The following ZC3H12B variants were observed in gnomAD, a reference collection of about 807,000 sequenced individuals.
The protein encoded by ZC3H12B is probable ribonuclease ZC3H12B.
Under a neutral mutation model 43.9 loss-of-function variants are expected in ZC3H12B, and 7 were observed. That is an observed-to-expected ratio of 0.16 (90% CI 0.09 to 0.30). The LOEUF is 0.30. Among genes scored for constraint, ZC3H12B ranks in the 10% least tolerant of loss-of-function variants. The pLI, the probability that ZC3H12B is intolerant of heterozygous loss-of-function variation, is 1.00. For synonymous variants in ZC3H12B, 222 were observed against 241.7 expected (o/e 0.92, Z 0.76); for missense variants, 475 against 670.2 (o/e 0.71, Z 3.22).
intron 2 of ZC3H12B, among the ~76,000 whole-genome samples, 168 bp from the exon 5 acceptor site, chrX:65,398,425 G>A (rs1260987922): frequency 9.0e-6 from 1 of 111,718 alleles, no homozygotes; most frequent in Non-Finnish European, 1.9e-5. Context: ...ATCTTGTTTC[G>A]AATTGTAATC....
intron 3 of ZC3H12B, among the ~76,000 whole-genome samples, chrX:65,420,003 C>T (rs2067000731): frequency 9.0e-6 from 1 of 111,643 alleles, no homozygotes; most frequent in Admixed American, 9.5e-5. Context: ...CAGGACTGCC[C>T]ATGTGGACCA....
At chrX:65,413,340 T>C (rs905317602) in intron 3 of ZC3H12B, among the ~76,000 whole-genome samples, 1 of 111,903 alleles carries the variant, frequency 8.9e-6, no homozygotes, top group African/African-American at 3.2e-5. Flanking sequence ...GCTTTTCTTT[T>C]GGTTTCATAT....
chrX:65,503,374 T>G (rs1238282068), exon 5 of ZC3H12B: 1 of 441,957 alleles, frequency 2.3e-6, no homozygotes, highest in Non-Finnish European at 3.6e-6. Context: ...ACTAACATCC[T>G]CTTTTATAGA....
chrX:65,367,425 A>G (rs1421067777), intron 1 of ZC3H12B, among the ~76,000 whole-genome samples: 2 of 111,743 alleles, frequency 1.8e-5, no homozygotes, highest in Non-Finnish European at 3.8e-5. Flanking sequence ...ACTCTTGAAC[A>G]TGTCGCACAT....
At chrX:65,359,383 A>G in the ZC3H12B span, among the ~76,000 whole-genome samples, 3 of 111,868 alleles carry the variant, frequency 2.7e-5, no homozygotes, top group Non-Finnish European at 5.6e-5. Flanking sequence ...CATCTGATGA[A>G]CCTGGGAAAA....
intron 3 of ZC3H12B, among the ~76,000 whole-genome samples, chrX:65,481,166 T>C (rs773003090): frequency 1.6e-4 from 18 of 111,428 alleles, no homozygotes; most frequent in Non-Finnish European, 5.7e-5. Flanking sequence ...CTGCCTAGTA[T>C]GTCCTCCCCA....
At chrX:65,107,582 G>A in the ZC3H12B span, among the ~76,000 whole-genome samples, 1 of 111,218 alleles carries the variant, frequency 9.0e-6, no homozygotes, top group Non-Finnish European at 1.9e-5. Context: ...ACCTTGAATT[G>A]TAGTTCCCAT....
the ZC3H12B span, among the ~76,000 whole-genome samples, chrX:65,093,101 G>A: frequency 3.6e-5 from 4 of 112,138 alleles, 1 homozygote; most frequent in South Asian, 1.5e-3. Context: ...TGCAGCTTGG[G>A]TCACTGCTCA....
the ZC3H12B span, among the ~76,000 whole-genome samples, chrX:65,269,109 G>A: frequency 1.8e-5 from 2 of 111,433 alleles, no homozygotes; most frequent in African/African-American, 3.3e-5. Flanking sequence ...CACTTTGGGA[G>A]GCTGAGGTGG....
intron 2 of ZC3H12B, among the ~76,000 whole-genome samples, chrX:65,386,563 G>A (rs985872920): frequency 5.7e-4 from 63 of 111,077 alleles, no homozygotes; most frequent in African/African-American, 1.9e-3. Flanking sequence ...CTTGCTAGCA[G>A]TCTATCAATT....
chrX:65,203,021 G>GC, the ZC3H12B span, among the ~76,000 whole-genome samples: 2 of 110,772 alleles, frequency 1.8e-5, no homozygotes, highest in African/African-American at 3.3e-5. Context: ...GGCCACCACT[G>GC]CCCCAGGACC....
At chrX:65,177,432 A>T in the ZC3H12B span, among the ~76,000 whole-genome samples, 118 of 112,264 alleles carry the variant, frequency 1.1e-3, no homozygotes, top group African/African-American at 3.7e-3. Context: ...GGCCAGGGCA[A>T]TCAGGCAAGT....
chrX:65,050,369 C>A, the ZC3H12B span, among the ~76,000 whole-genome samples: 4 of 110,533 alleles, frequency 3.6e-5, no homozygotes, highest in Non-Finnish European at 7.6e-5. Context: ...TTTCTACTTT[C>A]TTTTCTATTG....
intron 1 of ZC3H12B, among the ~76,000 whole-genome samples, chrX:65,494,610 G>A (rs1202218847): frequency 1.8e-5 from 2 of 109,418 alleles, no homozygotes; most frequent in Admixed American, 2.0e-4. Context: ...GTGAAACCCC[G>A]TCTCTACTAA....
the ZC3H12B span, among the ~76,000 whole-genome samples, chrX:65,082,868 G>A: frequency 1.8e-5 from 2 of 110,950 alleles, no homozygotes; most frequent in Non-Finnish European, 3.8e-5. Flanking sequence ...ATAAACTCTA[G>A]CAAACTGACT....
chrX:65,136,224 C>A, the ZC3H12B span, among the ~76,000 whole-genome samples: 1 of 111,458 alleles, frequency 9.0e-6, no homozygotes, highest in African/African-American at 3.3e-5. Flanking sequence ...CTCATTACTT[C>A]TAGGTGGAGG....
intron 2 of ZC3H12B, among the ~76,000 whole-genome samples, chrX:65,377,922 C>T (rs996772395): frequency 9.1e-6 from 1 of 110,431 alleles, no homozygotes; most frequent in Admixed American, 9.7e-5. Context: ...CACGGTGAAA[C>T]CCCATCTCTA....
the ZC3H12B span, among the ~76,000 whole-genome samples, chrX:65,132,910 A>G: frequency 9.0e-6 from 1 of 111,560 alleles, no homozygotes; most frequent in Non-Finnish European, 1.9e-5. Context: ...TTCAGCCGTT[A>G]AGCTGAGAAG....
chrX:65,162,560 G>A, the ZC3H12B span, among the ~76,000 whole-genome samples: 559 of 111,060 alleles, frequency 5.0e-3, 2 homozygotes, highest in African/African-American at 0.016. Context: ...TGATCACATC[G>A]GCTCCTGAGG....
Sources: gnomAD v4.1 joint callset for allele counts (sites outside exome capture counted in the v4.1 genomes callset) on GRCh38, gnomAD v4.1.1 for gene constraint, MANE v1.5 for transcripts, NCBI Gene and HGNC (gene_info 2026-07-23, HGNC 2026-07-21) for gene names.